Variants in COL28A1 observed in about 807,000 individuals in gnomAD.
The protein encoded by COL28A1 is collagen alpha-1(XXVIII) chain.
Under a neutral mutation model 150.2 loss-of-function variants are expected in COL28A1, and 161 were observed. That is an observed-to-expected ratio of 1.07 (90% CI 0.94 to 1.22). The LOEUF is 1.22. Ranked by LOEUF, COL28A1 falls within the 50% of genes most tolerant of loss-of-function variation. The probability of loss-of-function intolerance (pLI) is 0.00; values close to 1 mark genes in which losing one functional copy is unlikely to be tolerated. For synonymous variants in COL28A1, 552 were observed against 469.7 expected (o/e 1.18, Z -2.26); for missense variants, 1,617 against 1,388.3 (o/e 1.16, Z -2.62).
At chr7:7,443,986 GT>G (rs71010980) in intron 19 of COL28A1, among the ~76,000 whole-genome samples, 978 of 95,532 alleles carry the variant, frequency 0.01, 3 homozygotes, top group East Asian at 0.044. Flanking sequence ...TCCATCTGCT[GT>G]TTTTTTTTTT....
chr7:7,433,578 G>A (rs569298707), intron 23 of COL28A1, among the ~76,000 whole-genome samples: 1 of 150,382 alleles, frequency 6.6e-6, no homozygotes, highest in East Asian at 2.0e-4. Context: ...AGGCTGCAGT[G>A]AGAAGAGATC....
At chr7:7,474,285 C>A (rs568797031) in intron 15 of COL28A1, among the ~76,000 whole-genome samples, 2 of 151,780 alleles carry the variant, frequency 1.3e-5, no homozygotes, top group African/African-American at 4.8e-5. Flanking sequence ...TTTGAGGACT[C>A]GGGGCAAAAG....
At chr7:7,502,602 G>C (rs1284020098) in intron 11 of COL28A1, among the ~76,000 whole-genome samples, 1 of 151,868 alleles carries the variant, frequency 6.6e-6, no homozygotes, top group Non-Finnish European at 1.5e-5. Flanking sequence ...CAAGTTTAAA[G>C]GTTTCTATTT....
intron 27 of COL28A1, among the ~76,000 whole-genome samples, chr7:7,395,585 A>G (rs1360756373): frequency 1.3e-5 from 2 of 152,200 alleles, no homozygotes; most frequent in East Asian, 3.8e-4. Context: ...ACACATTACA[A>G]ACAAATGAAA....
At chr7:7,448,469 G>T (rs1053203840) in intron 18 of COL28A1, among the ~76,000 whole-genome samples, 6 of 149,692 alleles carry the variant, frequency 4.0e-5, no homozygotes, top group African/African-American at 5.1e-5. Context: ...AATAAGCAAA[G>T]ATTTTTTTTT....
At chr7:7,383,834 T>C (rs1477830925) in intron 27 of COL28A1, among the ~76,000 whole-genome samples, 1 of 151,978 alleles carries the variant, frequency 6.6e-6, no homozygotes, top group Admixed American at 6.6e-5. Flanking sequence ...TTAAAAATAA[T>C]ATTTTAAGAA....
chr7:7,417,191 G>A (rs1305284006), intron 27 of COL28A1, among the ~76,000 whole-genome samples: 1 of 151,832 alleles, frequency 6.6e-6, no homozygotes, highest in Non-Finnish European at 1.5e-5. Flanking sequence ...GACCCTGAGA[G>A]TCCCAGCATG....
At chr7:7,365,104 C>T (rs908294651) in intron 33 of COL28A1, among the ~76,000 whole-genome samples, 1 of 148,728 alleles carries the variant, frequency 6.7e-6, no homozygotes, top group Non-Finnish European at 1.5e-5. Context: ...ACCCAATTCA[C>T]GATAGTGATT....
intron 11 of COL28A1, among the ~76,000 whole-genome samples, chr7:7,500,664 T>C (rs970589047): frequency 1.3e-5 from 2 of 152,226 alleles, no homozygotes; most frequent in Non-Finnish European, 2.9e-5. Flanking sequence ...CCCTTTTTCA[T>C]AGAACACTTT....
intron 13 of COL28A1, among the ~76,000 whole-genome samples, chr7:7,478,730 G>A (rs1337493853): frequency 1.3e-5 from 2 of 152,268 alleles, no homozygotes; most frequent in Non-Finnish European, 2.9e-5. Context: ...CGAGCGCACT[G>A]CCGGTGGGCC....
intron 18 of COL28A1, among the ~76,000 whole-genome samples, chr7:7,449,291 T>A (rs1474097304): frequency 2.6e-5 from 4 of 152,078 alleles, no homozygotes; most frequent in Admixed American, 2.6e-4. Flanking sequence ...TATTAACAAG[T>A]TAAAAGTGGA....
chr7:7,517,187 T>C (rs1053981013), intron 7 of COL28A1, among the ~76,000 whole-genome samples: 3 of 152,100 alleles, frequency 2.0e-5, no homozygotes, highest in Non-Finnish European at 2.9e-5. Flanking sequence ...TTTTAACATC[T>C]CTGGGTCTGA....
chr7:7,346,712 G>A, the COL28A1 span, among the ~76,000 whole-genome samples: 2 of 151,892 alleles, frequency 1.3e-5, no homozygotes, highest in African/African-American at 4.8e-5. Flanking sequence ...CATTCATTTT[G>A]GAAACTCATT....
chr7:7,465,235 G>A (rs943081348), intron 15 of COL28A1, among the ~76,000 whole-genome samples: 3 of 150,044 alleles, frequency 2.0e-5, no homozygotes, highest in Non-Finnish European at 4.4e-5. Context: ...GTGGGCGCCG[G>A]CCAGTGTGTG....
At chr7:7,457,042 A>G (rs1218167901) in intron 15 of COL28A1, among the ~76,000 whole-genome samples, 1 of 152,226 alleles carries the variant, frequency 6.6e-6, no homozygotes, top group Non-Finnish European at 1.5e-5. Context: ...GCAAGGAGAC[A>G]GTGCGGGTGG....
chr7:7,465,040 G>C lies in COL28A1; in HGVS notation c.1303-8928C>G, dbSNP rs138263442. Among the ~76,000 whole-genome samples the C allele has an allele frequency of 2.6e-5, 4 of 152,194 alleles. No homozygotes were observed. The South Asian group carries it at 6.2e-4, about 24-fold the overall frequency. ...AAGGCTACTATGAACACCTTTATGC[G>C]CATAAACTAGAAAGCCTAGAGGAGA... On this transcript the variant is annotated intron_variant, in intron 15 of 34. Coordinates refer to ENST00000399429, the MANE Select transcript of COL28A1 (RefSeq NM_001037763.3).
intron 30 of COL28A1, among the ~76,000 whole-genome samples, chr7:7,375,736 T>C (rs1045330388): frequency 1.3e-5 from 2 of 152,216 alleles, no homozygotes; most frequent in Non-Finnish European, 2.9e-5. Flanking sequence ...AACTGCAGCA[T>C]TTATCAGCTG....
intron 13 of COL28A1, among the ~76,000 whole-genome samples, 171 bp from the exon 14 acceptor site, chr7:7,477,351 A>C (rs1286018529): frequency 6.6e-6 from 1 of 152,246 alleles, no homozygotes; most frequent in Admixed American, 6.5e-5. Context: ...CTACTTTATT[A>C]GTTCCTAAAT....
Position 7,419,941 on chromosome 7 carries a change from C to G in COL28A1, c.2011G>C (p.Val671Leu). The G allele has an allele frequency of 6.3e-7, 1 of 1,591,748 alleles. No individual in the cohort carries two copies. The highest frequency in any genetic ancestry group is 8.5e-7 in the Non-Finnish European group (1 of 1,171,056). The change falls in exon 26 of 35, where the codon GTC becomes CTC. Residue 671 changes from valine (V) to leucine (L), a missense_variant. Val to Leu is a conservative substitution (Grantham distance 32, BLOSUM62 1). Coordinates refer to ENST00000399429, the MANE Select transcript of COL28A1 (RefSeq NM_001037763.3). ...GDTGAKGEPGVRGPPGPSGPR... is the reference protein window; with the variant it reads ...GDTGAKGEPGLRGPPGPSGPR... Reference sequence around the variant, plus strand: ...CCAGAAGGACCTGGAGGGCCTCTGACCCCAGGCTCTCCCTGAAAAGACACA... The same window carrying G: ...CCAGAAGGACCTGGAGGGCCTCTGAGCCCAGGCTCTCCCTGAAAAGACACA...
Sources: allele counts gnomAD v4.1 joint callset (sites outside exome capture counted in the v4.1 genomes callset), GRCh38; gene constraint gnomAD v4.1.1; transcripts MANE v1.5; gene names NCBI Gene and HGNC (gene_info 2026-07-23, HGNC 2026-07-21).